Variants in VWCE observed in about 807,000 individuals in gnomAD.
VWCE encodes von Willebrand factor C and EGF domain-containing protein.
VWCE carries 68 observed loss-of-function variants against 102.9 expected under a neutral mutation model. The ratio of observed to expected loss-of-function variants is 0.66; its 90% CI spans 0.54 to 0.81. The LOEUF (loss-of-function observed/expected upper bound fraction) is 0.81, where lower values mean the gene tolerates loss of function less well. Ranked by LOEUF, VWCE falls within the 30% of genes least tolerant of loss-of-function variation. VWCE has a pLI of 0.00. For missense variants in VWCE, 1,137 were observed against 1,263.6 expected (o/e 0.90, Z 1.52); for synonymous variants, 497 against 515.4 (o/e 0.96, Z 0.48).
intron 19 of VWCE, among the ~76,000 whole-genome samples, chr11:61,260,091 C>G (rs961745870): frequency 9.9e-5 from 15 of 152,178 alleles, no homozygotes; most frequent in African/African-American, 3.4e-4. Context: ...CCCATCTCTA[C>G]TAAAAATACA....
At position 61,278,429 on chromosome 11, in the gene VWCE, G is replaced by A. The variant is rs1855000171; in HGVS notation, c.1372C>T (p.Pro458Ser). Residue 458 changes from proline (P) to serine (S), a missense_variant, in exon 10 of 20, where the codon CCT (proline) becomes TCT (serine). Physicochemically the swap from Pro to Ser is moderately conservative, Grantham distance 74. Around this residue, in one of 5 missense-constraint regions of VWCE, gnomAD observed 575 missense variants for 625.9 expected, o/e 0.92. Transcript: ENST00000335613. ...VVRAEGDVFS[P>S]PNENCTVCVC... ...CAGACGGTGCAGTTCTCATTGGGAG[G>A]TGAAAACACATCCCCTTCAGCTCGG... The A allele has an allele frequency of 3.1e-6, 5 of 1,614,074 alleles. No individual in the cohort carries two copies. Among genetic ancestry groups the A allele is most frequent in the Admixed American group, 3.3e-5 (2 of 59,998 alleles).
intron 15 of VWCE, 26 bp from the exon 16 acceptor site, chr11:61,267,570 A>C: frequency 1.9e-6 from 3 of 1,612,494 alleles, no homozygotes; most frequent in Non-Finnish European, 2.5e-6. Flanking sequence ...TGCGCTGAGC[A>C]CCAGCTGGGA....
chr11:61,259,906 A>G (rs1168673526), intron 19 of VWCE, among the ~76,000 whole-genome samples: 1 of 152,220 alleles, frequency 6.6e-6, no homozygotes, highest in African/African-American at 2.4e-5. Context: ...GAGAAAATAA[A>G]CACAGATGCT....
chr11:61,289,385 G>A (rs1855429115), intron 4 of VWCE, among the ~76,000 whole-genome samples: 1 of 151,868 alleles, frequency 6.6e-6, no homozygotes. Context: ...TGAGTAGCCG[G>A]GATTACAGGC....
chr11:61,279,268 A>G (rs1450902859), intron 9 of VWCE, among the ~76,000 whole-genome samples: 2 of 152,090 alleles, frequency 1.3e-5, no homozygotes, highest in Non-Finnish European at 2.9e-5. Context: ...CATAGCCCAC[A>G]ACAGTCATTA....
chr11:61,284,424 C>A (rs1229881458), intron 5 of VWCE, among the ~76,000 whole-genome samples: 1 of 152,130 alleles, frequency 6.6e-6, no homozygotes, highest in Non-Finnish European at 1.5e-5. Flanking sequence ...CTGTAAGTGC[C>A]CATGTACGTA....
chr11:61,258,658 C>T lies in VWCE; in HGVS notation c.*17G>A, dbSNP rs11230648. 25,334 of 1,367,964 alleles carry T rather than the reference C, an allele frequency of 0.019. 292 individuals carry two copies. Among genetic ancestry groups the T allele is most frequent in the Non-Finnish European group, 0.021 (22,033 of 1,055,898 alleles). 84.7% of individuals were successfully genotyped at this position (1,367,964 alleles called of 1,614,324 possible). A position where few individuals can be genotyped will look rare whatever the true frequency, so the allele number is the denominator to read the frequency against. ...CAGAGGTCCTCTCTCCAGAGTCTCC[C>T]GGACACAGTGACCTCCTTACATGGT... On this transcript the variant is annotated 3_prime_UTR_variant, in exon 20 of 20. Coordinates refer to ENST00000335613, the MANE Select transcript of VWCE (RefSeq NM_152718.2).
At chr11:61,267,000 G>A (rs1394999508) in intron 16 of VWCE, among the ~76,000 whole-genome samples, 1 of 152,232 alleles carries the variant, frequency 6.6e-6, no homozygotes, top group Non-Finnish European at 1.5e-5. Context: ...GCTCATGCCT[G>A]TAATCCCAAC....
intron 14 of VWCE, 139 bp downstream of exon 14, chr11:61,271,536 G>T (rs1854699850): frequency 2.7e-6 from 2 of 742,318 alleles, no homozygotes; most frequent in Admixed American, 2.4e-5. Flanking sequence ...CCCTTTTTGT[G>T]AAAGTGGAAC....
chr11:61,260,839 C>A (rs1411759528), intron 19 of VWCE, among the ~76,000 whole-genome samples: 1 of 152,094 alleles, frequency 6.6e-6, no homozygotes, highest in Non-Finnish European at 1.5e-5. Context: ...GTCAAAAAAT[C>A]ATTAAGATAA....
At chr11:61,293,173 G>A (rs527817560) in intron 1 of VWCE, among the ~76,000 whole-genome samples, 167 of 149,624 alleles carry the variant, frequency 1.1e-3, no homozygotes, top group Non-Finnish European at 2.0e-3. Context: ...CCTGGGAGGC[G>A]GAGGTTGCGG....
At chr11:61,261,166 G>A (rs964686732) in intron 19 of VWCE, among the ~76,000 whole-genome samples, 4 of 151,446 alleles carry the variant, frequency 2.6e-5, no homozygotes, top group African/African-American at 9.7e-5. Flanking sequence ...GTTGCAGTGA[G>A]CCAAGATCAT....
At chr11:61,286,218 C>T in intron 5 of VWCE, 96 bp downstream of exon 5, 1 of 1,184,800 alleles carries the variant, frequency 8.4e-7, no homozygotes, top group Non-Finnish European at 1.2e-6. Flanking sequence ...TGCAGTGGCA[C>T]ACAGAGCACA....
intron 13 of VWCE, 26 bp downstream of exon 13, chr11:61,273,173 G>A (rs371243852): frequency 1.9e-6 from 3 of 1,607,838 alleles, no homozygotes; most frequent in African/African-American, 2.7e-5. Context: ...CATGCCCTGT[G>A]TCGGGGCAGC....
At chr11:61,278,621 C>G (rs531090874) in intron 9 of VWCE, 145 bp from the exon 10 acceptor site, 2 of 732,506 alleles carry the variant, frequency 2.7e-6, no homozygotes, top group Non-Finnish European at 4.6e-6. Flanking sequence ...TCAGGGTACT[C>G]TGACTGTGTG....
At chr11:61,272,897 C>T (rs1195429502) in intron 13 of VWCE, among the ~76,000 whole-genome samples, 3 of 151,766 alleles carry the variant, frequency 2.0e-5, no homozygotes, top group Non-Finnish European at 2.9e-5. Flanking sequence ...GACACATAGA[C>T]ATACTACACA....
At chr11:61,284,372 G>A (rs908122167) in intron 5 of VWCE, among the ~76,000 whole-genome samples, 2 of 152,170 alleles carry the variant, frequency 1.3e-5, no homozygotes, top group African/African-American at 4.8e-5. Context: ...AAAGTGCTTA[G>A]CCCAGGACCC....
intron 9 of VWCE, among the ~76,000 whole-genome samples, chr11:61,280,248 T>C (rs1270713738): frequency 6.6e-6 from 1 of 152,142 alleles, no homozygotes; most frequent in African/African-American, 2.4e-5. Flanking sequence ...AGAAGGGGAC[T>C]GCACAGTGGA....
Position 61,265,041 on chromosome 11 carries a change from G to C in VWCE, c.2057-3C>G. On this transcript the variant is annotated splice_region_variant and splice_polypyrimidine_tract_variant and intron_variant, in intron 17 of 19. Coordinates refer to ENST00000335613, the MANE Select transcript of VWCE (RefSeq NM_152718.2). Reference sequence around the variant, plus strand: ...CTTCCTTCCCTCGTAGTTGCAGTCTGTGGAGGAAGGGGAGACAGGAGCCCA... The same window carrying C: ...CTTCCTTCCCTCGTAGTTGCAGTCTCTGGAGGAAGGGGAGACAGGAGCCCA... The C allele has an allele frequency of 6.2e-7, 1 of 1,614,174 alleles. No homozygotes were observed. Among genetic ancestry groups the C allele is most frequent in the Non-Finnish European group, 8.5e-7 (1 of 1,180,040 alleles).
Sources: gnomAD v4.1 joint callset for allele counts (sites outside exome capture counted in the v4.1 genomes callset) on GRCh38, gnomAD v4.1.1 for gene constraint, gnomAD v4.1.1 regional missense constraint, MANE v1.5 for transcripts, NCBI Gene and HGNC (gene_info 2026-07-23, HGNC 2026-07-21) for gene names.